Variants in SLC38A5 observed in about 807,000 individuals in gnomAD.
The protein encoded by SLC38A5 is solute carrier family 38 member 5, also known as sodium-coupled neutral amino acid transporter 5.
In SLC38A5, 9 loss-of-function variants were observed where a neutral mutation model predicts 34.6. The observed-to-expected ratio is 0.26, with a 90% CI of 0.16 to 0.45. The LOEUF (loss-of-function observed/expected upper bound fraction) is 0.45, where lower values mean the gene tolerates loss of function less well. SLC38A5 is among the 20% of genes least tolerant of loss of function. SLC38A5 has a pLI of 1.00. For missense variants in SLC38A5, 253 were observed against 394.7 expected (o/e 0.64, Z 3.04); for synonymous variants, 157 against 155.6 (o/e 1.01, Z -0.07).
chrX:48,468,001 G>C (rs2061491676), intron 2 of SLC38A5, 76 bp from the exon 3 acceptor site: 1 of 943,058 alleles, frequency 1.1e-6, no homozygotes, highest in Non-Finnish European at 1.5e-6. Context: ...CTGAAGAAGG[G>C]GGGAGGGGAG....
At chrX:48,461,933 T>G (rs2147060903) in intron 11 of SLC38A5, 74 bp downstream of exon 11, 1 of 1,124,468 alleles carries the variant, frequency 8.9e-7, no homozygotes, top group Non-Finnish European at 1.2e-6. Context: ...AGCTCCACTC[T>G]GAGCAGGATG....
intron 5 of SLC38A5, 38 bp from the exon 6 acceptor site, chrX:48,466,910 C>T (rs781893722): frequency 4.2e-6 from 5 of 1,204,008 alleles, no homozygotes; most frequent in East Asian, 5.9e-5. Flanking sequence ...GGCCCCAGGC[C>T]TCCCACCTGC....
intron 4 of SLC38A5, 180 bp downstream of exon 4, chrX:48,467,530 G>A (rs2061487185): frequency 2.1e-6 from 1 of 467,249 alleles, no homozygotes; most frequent in Non-Finnish European, 3.7e-6. Context: ...AGCTGGAAAG[G>A]GCATATCTGG....
chrX:48,466,327 C>T lies in SLC38A5; in HGVS notation c.320-5G>A, dbSNP rs1382117937. On this transcript the variant is annotated splice_polypyrimidine_tract_variant and splice_region_variant and intron_variant, in intron 6 of 16. Coordinates refer to ENST00000620913, the MANE Select transcript of SLC38A5 (RefSeq NM_033518.4). ...GCTGCTCATAGGCTCGGATGCCTAG[C>T]GGGGGGAGTCAGGAACAGGGTTGAA... The T allele has an allele frequency of 1.5e-5, 18 of 1,186,239 alleles. No individual in the cohort carries two copies. Among genetic ancestry groups the T allele is most frequent in the African/African-American group, 5.3e-5 (3 of 56,311 alleles).
At chrX:48,466,186 C>T (rs1556963202) in intron 7 of SLC38A5, 44 bp downstream of exon 7, 4 of 1,159,558 alleles carry the variant, frequency 3.4e-6, no homozygotes, top group Non-Finnish European at 4.6e-6. Flanking sequence ...CACCTCACTC[C>T]GCCCTCTCCC....
chrX:48,460,498 T>C lies in SLC38A5; in HGVS notation c.1068+151A>G, dbSNP rs1602021151. ...TCTGTTTATCGATTTTTGCCATCTC[T>C]GTCCATCTGAAAACGCTGCCCTTTC... On this transcript the variant is annotated intron_variant, in intron 14 of 16. Transcript: ENST00000620913. 5.7e-6 allele frequency: 3 copies of C among 530,849 alleles called. No individual in the cohort carries two copies. The East Asian group carries it at 1.1e-4, about 19-fold the overall frequency. 43.7% of individuals were successfully genotyped at this position (530,849 alleles called of 1,213,427 possible). A position where few individuals can be genotyped will look rare whatever the true frequency, so the allele number is the denominator to read the frequency against.
chrX:48,460,016 T>A, intron 14 of SLC38A5, 140 bp from the exon 15 acceptor site: 1 of 808,871 alleles, frequency 1.2e-6, no homozygotes, highest in Non-Finnish European at 1.7e-6. Context: ...CCACCCTGCC[T>A]AACCCAACAT....
intron 11 of SLC38A5, 64 bp downstream of exon 11, chrX:48,461,943 G>A (rs1452670009): frequency 1.1e-5 from 13 of 1,132,384 alleles, no homozygotes; most frequent in Non-Finnish European, 1.1e-5. Context: ...TGAGCAGGAT[G>A]CACCATATGA....
chrX:48,459,390 A>T (rs1411300317), intron 16 of SLC38A5, 146 bp downstream of exon 16: 1 of 575,365 alleles, frequency 1.7e-6, no homozygotes, highest in Admixed American at 4.7e-5. Context: ...CTTCCTAGAC[A>T]ATCACCTTCA....
At chrX:48,467,501 G>A (rs1182920247) in intron 4 of SLC38A5, 3 of 444,262 alleles carry the variant, frequency 6.8e-6, no homozygotes, top group Non-Finnish European at 1.2e-5. Flanking sequence ...CGGGTGGGGA[G>A]AAACAAGGCC....
chrX:48,467,776 T>G lies in SLC38A5; in HGVS notation c.63A>C (p.Gln21His). Residue 21 changes from glutamine (Q) to histidine (H), a missense_variant, in exon 4 of 17, where the codon CAA becomes CAC. By Grantham distance (24) the Gln-to-His change is conservative. Transcript: ENST00000620913. Reference sequence around the variant, plus strand: ...GACTGGGCAGGAAGCCCTCACGTTCTTGCCTGTAGCTGGATAGGGCAGGGA... The same window carrying G: ...GACTGGGCAGGAAGCCCTCACGTTCGTGCCTGTAGCTGGATAGGGCAGGGA... ...ALPSDAVGYR[Q>H]EREGFLPSRG... 8.3e-7 allele frequency: 1 copy of G among 1,208,314 alleles called. No homozygotes were observed. Among genetic ancestry groups the G allele is most frequent in the African/African-American group, 1.7e-5 (1 of 57,622 alleles).
At chrX:48,463,323 C>T (rs1400926540) in intron 8 of SLC38A5, among the ~76,000 whole-genome samples, 6 of 112,494 alleles carry the variant, frequency 5.3e-5, no homozygotes, top group Non-Finnish European at 9.4e-5. Flanking sequence ...TCAGTCCAGG[C>T]CAGGTGTGGT....
intron 8 of SLC38A5, among the ~76,000 whole-genome samples, chrX:48,463,647 C>T (rs782494633): frequency 3.9e-5 from 4 of 101,687 alleles, no homozygotes; most frequent in South Asian, 9.5e-4. Flanking sequence ...TATGGTGGCG[C>T]GTGCCTGTAA....
At position 48,462,885 on chromosome X, in the gene SLC38A5, G is replaced by A; in HGVS notation, c.574+13C>T. 6.7e-6 allele frequency: 8 copies of A among 1,194,782 alleles called. No homozygotes were observed. Among genetic ancestry groups the A allele is most frequent in the Non-Finnish European group, 9.0e-6 (8 of 884,401 alleles). On this transcript the variant is annotated intron_variant, in intron 9 of 16. Transcript: ENST00000620913. ...ATCCCACTACCCAATGGCCAACCCA[G>A]GGAGCCTCTTACCCAAGTGTTTCAT...
intron 16 of SLC38A5, 130 bp from the exon 17 acceptor site, chrX:48,459,164 T>C (rs2061418316): frequency 1.5e-6 from 1 of 683,056 alleles, no homozygotes; most frequent in Non-Finnish European, 2.2e-6. Flanking sequence ...CTGTATGCCC[T>C]CTCCTTCCTT....
At chrX:48,468,993 C>T in intron 2 of SLC38A5, 1 of 753,621 alleles carries the variant, frequency 1.3e-6, no homozygotes, top group Non-Finnish European at 1.6e-6. Flanking sequence ...CGCGCTTACT[C>T]CTTGGGAAGG....
At chrX:48,459,904 G>A (rs375104070) in intron 14 of SLC38A5, 28 bp from the exon 15 acceptor site, 30 of 1,190,088 alleles carry the variant, frequency 2.5e-5, no homozygotes, top group South Asian at 1.9e-4. Context: ...TGGGACAGAA[G>A]TCAGGACCCA....
Position 48,458,755 on chromosome X carries a change from C to T in SLC38A5, c.*178G>A. ...GTTGGGATTAGGGCCATGATCCAAG[C>T]TTGGCATCCCTGGGGAGGAGGGAAG... is the stretch of plus-strand genomic sequence containing the variant. On this transcript the variant is annotated 3_prime_UTR_variant, in exon 17 of 17. Transcript: ENST00000620913. The T allele has an allele frequency of 5.7e-6, 6 of 1,059,226 alleles. No homozygotes were observed. The highest frequency in any genetic ancestry group is 7.3e-6 in the Non-Finnish European group (6 of 821,933). The allele number at this position is 1,059,226 out of a possible 1,213,427, so 87.3% of individuals were successfully genotyped here. A position where few individuals can be genotyped will look rare whatever the true frequency, so the allele number is the denominator to read the frequency against.
intron 8 of SLC38A5, among the ~76,000 whole-genome samples, chrX:48,464,032 G>A (rs1181543023): frequency 1.8e-5 from 2 of 112,134 alleles, no homozygotes; most frequent in African/African-American, 6.5e-5. Context: ...GACAAGCCAC[G>A]ATGCAGAGTC....
Sources: allele counts gnomAD v4.1 joint callset (sites outside exome capture counted in the v4.1 genomes callset), GRCh38; gene constraint gnomAD v4.1.1; transcripts MANE v1.5; gene names NCBI Gene and HGNC (gene_info 2026-07-23, HGNC 2026-07-21).